UBE4B: variants seen among roughly 807,000 people sequenced by gnomAD.
The protein encoded by UBE4B is ubiquitin conjugation factor E4 B.
Under a neutral mutation model 148.1 loss-of-function variants are expected in UBE4B, and 27 were observed. That is an observed-to-expected ratio of 0.18 (90% CI 0.13 to 0.25). The LOEUF is 0.25. Among genes scored for constraint, UBE4B ranks in the 10% least tolerant of loss-of-function variants. UBE4B has a pLI of 1.00. For missense variants in UBE4B, 1,170 were observed against 1,662.4 expected, an observed-to-expected ratio of 0.70 and a Z score of 5.15; for synonymous variants, 596 against 619.3, an observed-to-expected ratio of 0.96 and a Z score of 0.56.
At chr1:10,094,664 G>C (rs977729302) in intron 2 of UBE4B, among the ~76,000 whole-genome samples, 3 of 151,894 alleles carry the variant, frequency 2.0e-5, no homozygotes, top group African/African-American at 7.3e-5. Flanking sequence ...TCAATCTCCT[G>C]ACCTTGTGAT....
chr1:10,166,940 A>ATC (rs1491501760), intron 23 of UBE4B, among the ~76,000 whole-genome samples: 5 of 130,696 alleles, frequency 3.8e-5, no homozygotes, highest in African/African-American at 9.7e-5. Flanking sequence ...AAATAAATAA[A>ATC]TCACACACAC....
chr1:10,136,867 C>T (rs927027040), intron 16 of UBE4B, among the ~76,000 whole-genome samples, 200 bp from the exon 17 acceptor site: 2 of 152,132 alleles, frequency 1.3e-5, no homozygotes, highest in African/African-American at 2.4e-5. Context: ...TTGCAGTAAG[C>T]CAAGATCGTG....
intron 2 of UBE4B, among the ~76,000 whole-genome samples, chr1:10,077,428 C>G (rs1384079644): frequency 6.6e-6 from 1 of 152,144 alleles, no homozygotes; most frequent in Non-Finnish European, 1.5e-5. Context: ...TGCTAAGACC[C>G]TCCTTGCAAA....
intron 25 of UBE4B, among the ~76,000 whole-genome samples, chr1:10,173,346 G>A (rs180788576): frequency 6.6e-6 from 1 of 152,014 alleles, no homozygotes; most frequent in African/African-American, 2.4e-5. Context: ...GCCGGGCGTG[G>A]TGGCGGGCGC....
intron 21 of UBE4B, 58 bp from the exon 22 acceptor site, chr1:10,158,298 C>T (rs781211006): frequency 3.8e-6 from 6 of 1,584,094 alleles, no homozygotes; most frequent in Non-Finnish European, 5.2e-6. Flanking sequence ...GGGGCAATAA[C>T]TGGATTTGGA....
chr1:10,162,237 G>A (rs1010348426), intron 23 of UBE4B, among the ~76,000 whole-genome samples: 3 of 152,036 alleles, frequency 2.0e-5, no homozygotes, highest in Non-Finnish European at 2.9e-5. Context: ...GCAGTGGCAC[G>A]ATCTCAGCTC....
At chr1:10,084,782 C>T (rs2101854461) in intron 2 of UBE4B, among the ~76,000 whole-genome samples, 1 of 151,560 alleles carries the variant, frequency 6.6e-6, no homozygotes, top group African/African-American at 2.4e-5. Context: ...ACTGTAGCCT[C>T]CACCTCCCAG....
chr1:10,127,202 TAAA>T (rs35655615), intron 11 of UBE4B, among the ~76,000 whole-genome samples: 1 of 144,398 alleles, frequency 6.9e-6, no homozygotes, highest in Admixed American at 7.0e-5. Flanking sequence ...TTTTGTTACT[TAAA>T]AAAAAAAAAC....
At chr1:10,063,942 T>C (rs1026977278) in intron 1 of UBE4B, among the ~76,000 whole-genome samples, 1 of 151,678 alleles carries the variant, frequency 6.6e-6, no homozygotes, top group African/African-American at 2.4e-5. Flanking sequence ...ACATCTTACC[T>C]GGTTATTCCC....
chr1:10,162,000 T>C lies in UBE4B; in HGVS notation c.3198+714T>C, dbSNP rs1412073272. Among the ~76,000 whole-genome samples the C allele has an allele frequency of 7.2e-6, 1 of 139,362 alleles. No individual in the cohort carries two copies. Among genetic ancestry groups the C allele is most frequent in the African/African-American group, 2.6e-5 (1 of 37,886 alleles). The allele number at this position is 139,362 out of a possible 152,430, so 91.4% of individuals were successfully genotyped here. On this transcript the variant is annotated intron_variant, in intron 23 of 27. Transcript: ENST00000343090. This position sits in a 1 kb window ranked among gnomAD's most constrained non-coding sequence, Gnocchi z 4.1. ...GGGACTGCTTTTTCTTCACTTTTTCTTTTTTTTTTTTTTTTGAGACGGAGT... is the reference window on the plus strand; with the variant it reads ...GGGACTGCTTTTTCTTCACTTTTTCCTTTTTTTTTTTTTTTGAGACGGAGT...
intron 3 of UBE4B, among the ~76,000 whole-genome samples, chr1:10,099,670 T>C (rs1012814969): frequency 6.6e-6 from 1 of 152,140 alleles, no homozygotes; most frequent in Non-Finnish European, 1.5e-5. Flanking sequence ...CAAAACCTCT[T>C]AAAGGAGAAG....
At chr1:10,137,568 A>G (rs1645710597) in intron 17 of UBE4B, among the ~76,000 whole-genome samples, 1 of 152,302 alleles carries the variant, frequency 6.6e-6, no homozygotes, top group African/African-American at 2.4e-5. Flanking sequence ...GGACTGTGAA[A>G]AAGTAACCAT....
At chr1:10,136,716 T>C (rs1218845021) in intron 16 of UBE4B, among the ~76,000 whole-genome samples, 2 of 152,030 alleles carry the variant, frequency 1.3e-5, no homozygotes, top group Non-Finnish European at 2.9e-5. Context: ...GGTCAGGAGT[T>C]CGAGACCAGT....
intron 6 of UBE4B, 52 bp downstream of exon 6, chr1:10,105,796 T>C: frequency 6.5e-7 from 1 of 1,528,972 alleles, no homozygotes; most frequent in South Asian, 1.1e-5. Context: ...AACTGTGAAC[T>C]ACGTAGGAGA....
chr1:10,074,727 CTT>C (rs1644549348), intron 2 of UBE4B, among the ~76,000 whole-genome samples: 2 of 152,238 alleles, frequency 1.3e-5, no homozygotes, highest in South Asian at 2.1e-4. Flanking sequence ...CTTCTTCACT[CTT>C]TGCCTGGTTC....
chr1:10,122,428 T>C (rs1195188188), intron 10 of UBE4B, among the ~76,000 whole-genome samples: 3 of 152,234 alleles, frequency 2.0e-5, no homozygotes, highest in Non-Finnish European at 4.4e-5. Flanking sequence ...ATAAGTAGTG[T>C]CAAAAATTCA....
chr1:10,045,078 G>A (rs372821008), intron 1 of UBE4B, among the ~76,000 whole-genome samples: 4 of 152,160 alleles, frequency 2.6e-5, no homozygotes, highest in Admixed American at 6.5e-5. Context: ...GATCCCTCGC[G>A]TGCAGAACTC....
At position 10,070,222 on chromosome 1, in the gene UBE4B, C is replaced by T. The variant is rs138819519; in HGVS notation, c.25-1806C>T. Among the ~76,000 whole-genome samples the T allele has an allele frequency of 5.3e-3, 805 of 150,772 alleles. 9 individuals are homozygous for T. Among genetic ancestry groups the T allele is most frequent in the African/African-American group, 0.018 (749 of 40,980 alleles). On this transcript the variant is annotated intron_variant, in intron 1 of 27. Transcript: ENST00000343090. ...CTGGGAGGGGGAGGTTGCAGTGAGC[C>T]GAGATGGTGCCATTGTACTCCAGCC...
At chr1:10,137,488 T>C (rs1469882886) in intron 17 of UBE4B, among the ~76,000 whole-genome samples, 1 of 152,188 alleles carries the variant, frequency 6.6e-6, no homozygotes, top group African/African-American at 2.4e-5. Context: ...GGGCATACAT[T>C]ACCAGGAGGC....
Sources: allele counts gnomAD v4.1 joint callset (sites outside exome capture counted in the v4.1 genomes callset), GRCh38; gene constraint gnomAD v4.1.1; non-coding constraint Gnocchi (gnomAD v3.1); transcripts MANE v1.5; gene names NCBI Gene and HGNC (gene_info 2026-07-23, HGNC 2026-07-21).